The following CDC25A variants were observed in gnomAD, a reference collection of about 807,000 sequenced individuals.
The protein encoded by CDC25A is M-phase inducer phosphatase 1.
CDC25A carries 17 observed loss-of-function variants against 64.6 expected under a neutral mutation model. The observed-to-expected ratio is 0.26, with a 90% CI of 0.18 to 0.39. The LOEUF is 0.39. Among genes scored for constraint, CDC25A ranks in the 10% least tolerant of loss-of-function variants. The probability of loss-of-function intolerance (pLI) is 1.00; values close to 1 mark genes in which losing one functional copy is unlikely to be tolerated. For missense variants in CDC25A, 473 were observed against 654.8 expected (o/e 0.72, Z 3.03); for synonymous variants, 229 against 238.6 (o/e 0.96, Z 0.37).
At chr3:48,183,059 A>C in intron 4 of CDC25A, 29 bp from the exon 5 acceptor site, 1 of 1,476,894 alleles carries the variant, frequency 6.8e-7, no homozygotes. Flanking sequence ...AAAATAATTA[A>C]GGCACACAAA....
At chr3:48,166,598 G>A (rs2032032366) in intron 10 of CDC25A, among the ~76,000 whole-genome samples, 1 of 152,178 alleles carries the variant, frequency 6.6e-6, no homozygotes, top group Non-Finnish European at 1.5e-5. Context: ...CCAGGCACTG[G>A]GGATAGGAAA....
chr3:48,160,886 G>A (rs1299064682), intron 13 of CDC25A, among the ~76,000 whole-genome samples: 2 of 152,018 alleles, frequency 1.3e-5, no homozygotes, highest in Admixed American at 6.6e-5. Flanking sequence ...TGGGCGCGGT[G>A]GCTCACACCT....
chr3:48,185,052 A>G (rs2032800701), intron 2 of CDC25A, among the ~76,000 whole-genome samples: 1 of 152,196 alleles, frequency 6.6e-6, no homozygotes, highest in Non-Finnish European at 1.5e-5. Flanking sequence ...TAGAAACAAT[A>G]GGTACCAGAT....
chr3:48,160,907 C>T (rs1405925298), intron 13 of CDC25A, among the ~76,000 whole-genome samples: 5 of 151,958 alleles, frequency 3.3e-5, no homozygotes, highest in Admixed American at 2.0e-4. Flanking sequence ...GTAATTCCAG[C>T]ACTTTGGGAG....
chr3:48,171,015 T>G (rs2032249606), intron 9 of CDC25A, among the ~76,000 whole-genome samples: 1 of 152,102 alleles, frequency 6.6e-6, no homozygotes, highest in Admixed American at 6.6e-5. Flanking sequence ...CAGTATTATT[T>G]TATCCAAAAA....
chr3:48,184,939 G>A (rs1270581022), intron 2 of CDC25A, among the ~76,000 whole-genome samples: 3 of 152,074 alleles, frequency 2.0e-5, no homozygotes, highest in Non-Finnish European at 4.4e-5. Flanking sequence ...TAACATCAAG[G>A]GAAATAGGAT....
intron 5 of CDC25A, 89 bp downstream of exon 5, chr3:48,182,840 T>C (rs879412474): frequency 1.1e-4 from 92 of 827,702 alleles, no homozygotes; most frequent in Admixed American, 2.3e-4. Context: ...AAGTTTAGTC[T>C]CCCAGAAAGC....
chr3:48,181,665 G>A (rs1052597597), intron 5 of CDC25A: 16 of 1,102,900 alleles, frequency 1.5e-5, no homozygotes, highest in African/African-American at 9.2e-5. Context: ...ACTACCTTCC[G>A]GAACAAGAGC....
chr3:48,170,860 A>T (rs1435005523), intron 9 of CDC25A, among the ~76,000 whole-genome samples: 1 of 152,156 alleles, frequency 6.6e-6, no homozygotes, highest in African/African-American at 2.4e-5. Context: ...GACTAAATAT[A>T]TATTTCACAA....
Position 48,159,417 on chromosome 3 carries a change from T to TAATA in CDC25A, c.1360_1361insTATT (p.Glu454ValfsTer10). On this transcript the variant is annotated frameshift_variant, in exon 14 of 15. Transcript: ENST00000302506. LOFTEE classifies it high-confidence loss of function. ...CTCAGGGTAGTGGAGTTTGGGGTAT[T>TAATA]CATTACCCAGGCGATCTCTCTCTCT... is the stretch of plus-strand genomic sequence containing the variant. 1.9e-6 allele frequency: 3 copies of TAATA among 1,614,046 alleles called. No homozygotes were observed. The highest frequency in any genetic ancestry group is 2.5e-6 in the Non-Finnish European group (3 of 1,179,970).
At chr3:48,176,787 A>T (rs2032477832) in intron 8 of CDC25A, among the ~76,000 whole-genome samples, 1 of 151,650 alleles carries the variant, frequency 6.6e-6, no homozygotes, top group Non-Finnish European at 1.5e-5. Flanking sequence ...CCTGGCCAAC[A>T]TAATGTAACC....
chr3:48,185,286 G>C (rs954659093), intron 2 of CDC25A, among the ~76,000 whole-genome samples: 1 of 151,972 alleles, frequency 6.6e-6, no homozygotes, highest in East Asian at 1.9e-4. Flanking sequence ...GTGGTGGCAC[G>C]TGTCTGTAGT....
chr3:48,180,645 T>TCAATTCTG, intron 6 of CDC25A, 76 bp downstream of exon 6: 1 of 1,533,794 alleles, frequency 6.5e-7, no homozygotes, highest in Non-Finnish European at 8.9e-7. Flanking sequence ...TGTAGTGCCT[T>TCAATTCTG]CAATTCTGGA....
intron 6 of CDC25A, among the ~76,000 whole-genome samples, chr3:48,179,316 A>G (rs2032577935): frequency 6.6e-6 from 1 of 152,206 alleles, no homozygotes; most frequent in African/African-American, 2.4e-5. Flanking sequence ...GTCGCTAAGC[A>G]CACACCAAAT....
At chr3:48,164,242 C>A in intron 13 of CDC25A, 65 bp downstream of exon 13, 1 of 1,434,914 alleles carries the variant, frequency 7.0e-7, no homozygotes, top group Non-Finnish European at 9.2e-7. Context: ...AAGCCACAAA[C>A]CACCATGTCC....
At chr3:48,184,254 C>A (rs1438111236) in intron 3 of CDC25A, among the ~76,000 whole-genome samples, 1 of 151,872 alleles carries the variant, frequency 6.6e-6, no homozygotes, top group Non-Finnish European at 1.5e-5. Flanking sequence ...CCCAGCTACT[C>A]GGGAGGCTGA....
intron 13 of CDC25A, 52 bp from the exon 14 acceptor site, chr3:48,159,507 C>A (rs776730922): frequency 8.4e-6 from 10 of 1,195,974 alleles, no homozygotes; most frequent in East Asian, 4.7e-5. Context: ...AGCACAGCAA[C>A]AAGGCAACGC....
Position 48,188,065 on chromosome 3 carries a change from A to T in CDC25A, c.-118T>A. ...CACCGGCGCCCGCGGGTCAAACACAAACACGACTCCGCGGTTCAGGGACGC... is the reference window on the plus strand; with the variant it reads ...CACCGGCGCCCGCGGGTCAAACACATACACGACTCCGCGGTTCAGGGACGC... On this transcript the variant is annotated 5_prime_UTR_variant, in exon 1 of 15. It adds an upstream start codon to the 5' untranslated region. Coordinates refer to ENST00000302506, the MANE Select transcript of CDC25A (RefSeq NM_001789.3). The T allele has an allele frequency of 1.3e-6, 1 of 778,616 alleles. No individual in the cohort carries two copies. The highest frequency in any genetic ancestry group is 1.7e-6 in the Non-Finnish European group (1 of 578,224). The allele number at this position is 778,616 out of a possible 1,614,324, so 48.2% of individuals were successfully genotyped here.
chr3:48,169,940 C>T (rs934047781), intron 9 of CDC25A, among the ~76,000 whole-genome samples: 3 of 151,530 alleles, frequency 2.0e-5, no homozygotes, highest in African/African-American at 4.9e-5. Context: ...ACCTGAGAGG[C>T]GGAGGTTGCA....
Sources: allele counts gnomAD v4.1 joint callset (sites outside exome capture counted in the v4.1 genomes callset), GRCh38; gene constraint gnomAD v4.1.1; transcripts MANE v1.5; gene names NCBI Gene and HGNC (gene_info 2026-07-23, HGNC 2026-07-21).